The following TMEM132C variants were observed in gnomAD, a reference collection of about 807,000 sequenced individuals.
TMEM132C encodes the protein protein phosphatase 1, regulatory subunit 152.
A neutral mutation model predicts 61.4 loss-of-function variants in TMEM132C; 29 were observed. The observed-to-expected ratio is 0.47, with a 90% CI of 0.35 to 0.64. The LOEUF (loss-of-function observed/expected upper bound fraction) is 0.64. Among genes scored for constraint, TMEM132C ranks in the 30% least tolerant of loss-of-function variants. TMEM132C has a pLI of 0.00. For missense variants in TMEM132C, 1,408 were observed against 1,476.9 expected, an observed-to-expected ratio of 0.95 and a Z score of 0.76; for synonymous variants, 656 against 633.1, an observed-to-expected ratio of 1.04 and a Z score of -0.54.
intron 1 of TMEM132C, among the ~76,000 whole-genome samples, chr12:128,366,821 CAT>C (rs1873887653): frequency 3.9e-5 from 6 of 152,172 alleles, no homozygotes; most frequent in Non-Finnish European, 7.3e-5. Flanking sequence ...TGCAGAGTTA[CAT>C]ACTAGGGAAA....
chr12:128,700,963 G>T (rs904347757), intron 8 of TMEM132C, among the ~76,000 whole-genome samples: 1 of 152,180 alleles, frequency 6.6e-6, no homozygotes, highest in African/African-American at 2.4e-5. Context: ...GAAGTCGGGG[G>T]TGATGGAAGG....
intron 5 of TMEM132C, among the ~76,000 whole-genome samples, chr12:128,678,569 A>G (rs930668278): frequency 8.5e-5 from 13 of 152,226 alleles, no homozygotes; most frequent in Admixed American, 5.9e-4. Context: ...CATCTCAAGC[A>G]TGCAGGACGA....
chr12:128,421,093 T>A (rs571167314), intron 2 of TMEM132C, among the ~76,000 whole-genome samples: 8 of 152,098 alleles, frequency 5.3e-5, no homozygotes, highest in Non-Finnish European at 8.8e-5. Context: ...AGTGCACCTG[T>A]CACCCAACTG....
chr12:128,473,698 A>G (rs1161526816), intron 2 of TMEM132C, among the ~76,000 whole-genome samples: 1 of 145,168 alleles, frequency 6.9e-6, no homozygotes. Flanking sequence ...TCCAGCCTCC[A>G]TCTTCATCTT....
intron 1 of TMEM132C, among the ~76,000 whole-genome samples, chr12:128,350,987 G>A (rs1009431038): frequency 3.9e-5 from 6 of 152,070 alleles, no homozygotes; most frequent in African/African-American, 1.2e-4. Flanking sequence ...GTGGCCCTGG[G>A]AGTAGAAACA....
intron 3 of TMEM132C, among the ~76,000 whole-genome samples, chr12:128,586,204 TTA>T (rs201944783): frequency 0.016 from 2,442 of 152,166 alleles, 83 homozygotes; most frequent in African/African-American, 0.056. Context: ...ATAATTTTTG[TTA>T]TGTTTGAAAG....
At chr12:128,664,073 TACAGGCACAAGCACCCACACGCACGCAC>T (rs1434535889) in intron 4 of TMEM132C, among the ~76,000 whole-genome samples, 1 of 64,604 alleles carries the variant, frequency 1.5e-5, no homozygotes, top group Non-Finnish European at 2.7e-5. Context: ...CACACACACA[TACAGGCACAAGCACCCACACGCACGCAC>T]ACAGGCACAC....
chr12:128,598,448 A>AT (rs1373851834), intron 3 of TMEM132C, among the ~76,000 whole-genome samples: 1 of 152,044 alleles, frequency 6.6e-6, no homozygotes, highest in African/African-American at 2.4e-5. Context: ...AGAAAAAAAA[A>AT]GTCAGAGGAA....
intron 1 of TMEM132C, among the ~76,000 whole-genome samples, chr12:128,346,779 G>A (rs949991743): frequency 1.1e-4 from 17 of 152,036 alleles, no homozygotes; most frequent in South Asian, 6.2e-4. Flanking sequence ...TGGCACCCTC[G>A]TCAAAAATAA....
chr12:128,424,361 T>C (rs1205796528), intron 2 of TMEM132C, among the ~76,000 whole-genome samples: 2 of 152,042 alleles, frequency 1.3e-5, no homozygotes, highest in Non-Finnish European at 2.9e-5. Flanking sequence ...AATGTGATAT[T>C]TACATGCAAT....
chr12:128,304,752 CAGT>C (rs1871708822), intron 1 of TMEM132C, among the ~76,000 whole-genome samples: 1 of 152,210 alleles, frequency 6.6e-6, no homozygotes, highest in African/African-American at 2.4e-5. Context: ...AGCCCTGCCT[CAGT>C]GGTCATTTAG....
At chr12:128,661,069 TAG>T (rs2135620816) in intron 4 of TMEM132C, among the ~76,000 whole-genome samples, 1 of 152,184 alleles carries the variant, frequency 6.6e-6, no homozygotes, top group South Asian at 2.1e-4. Flanking sequence ...CATAAATAGA[TAG>T]ACAGATGATT....
At chr12:128,279,009 T>C (rs1257989054) in intron 1 of TMEM132C, among the ~76,000 whole-genome samples, 2 of 152,122 alleles carry the variant, frequency 1.3e-5, no homozygotes, top group African/African-American at 2.4e-5. Flanking sequence ...ATTTTGGACT[T>C]GCCAGACTCC....
chr12:128,312,639 A>G (rs866527952), intron 1 of TMEM132C, among the ~76,000 whole-genome samples: 1 of 152,324 alleles, frequency 6.6e-6, no homozygotes, highest in South Asian at 2.1e-4. Context: ...AAGGAGCACC[A>G]AGAATTTCCA....
chr12:128,526,630 A>G (rs934452364), intron 2 of TMEM132C, among the ~76,000 whole-genome samples: 1 of 152,236 alleles, frequency 6.6e-6, no homozygotes, highest in African/African-American at 2.4e-5. Flanking sequence ...TATATGTCAG[A>G]GAGTGATAAA....
In TMEM132C at chr12:128,338,492, G is replaced by A. The variant is rs115966558; in HGVS notation, c.85+71005G>A. 2.1e-3 allele frequency among the ~76,000 whole-genome samples: 325 copies of A among 152,112 alleles called. 2 individuals carry two copies. Among genetic ancestry groups the A allele is most frequent in the African/African-American group, 7.5e-3 (313 of 41,458 alleles). On this transcript the variant is annotated intron_variant, in intron 1 of 8. Coordinates refer to ENST00000435159, the MANE Select transcript of TMEM132C (RefSeq NM_001136103.3). ...TTATTGAGTATGTGTGTTGTTTATC[G>A]AAGCCTCATGGGGTGGGATCTTTGC... is the stretch of plus-strand genomic sequence containing the variant.
At chr12:128,339,807 C>CTG (rs1487847546) in intron 1 of TMEM132C, among the ~76,000 whole-genome samples, 10 of 152,120 alleles carry the variant, frequency 6.6e-5, no homozygotes, top group African/African-American at 2.4e-4. Flanking sequence ...TCATTCCAGG[C>CTG]AACTTGTGGG....
chr12:128,654,593 T>C (rs1566004458), intron 4 of TMEM132C, among the ~76,000 whole-genome samples: 1 of 152,198 alleles, frequency 6.6e-6, no homozygotes, highest in African/African-American at 2.4e-5. Flanking sequence ...ACATCGTAGA[T>C]GCCCAATAAC....
chr12:128,479,183 G>A (rs1368974611), intron 2 of TMEM132C, among the ~76,000 whole-genome samples: 1 of 152,178 alleles, frequency 6.6e-6, no homozygotes, highest in Non-Finnish European at 1.5e-5. Context: ...ACCTAGAGGG[G>A]AACAGCAGAT....
Sources: gnomAD v4.1 joint callset for allele counts (sites outside exome capture counted in the v4.1 genomes callset) on GRCh38, gnomAD v4.1.1 for gene constraint, MANE v1.5 for transcripts, NCBI Gene and HGNC (gene_info 2026-07-23, HGNC 2026-07-21) for gene names.